Variants in COL4A6 observed in about 807,000 individuals in gnomAD.
COL4A6 encodes the protein collagen type IV alpha 6 chain.
Under a neutral mutation model 126.7 loss-of-function variants are expected in COL4A6, and 59 were observed. The observed-to-expected ratio is 0.47, with a 90% CI of 0.38 to 0.58. The LOEUF (loss-of-function observed/expected upper bound fraction) is 0.58, where lower values mean the gene tolerates loss of function less well. Among genes scored for constraint, COL4A6 ranks in the 20% least tolerant of loss-of-function variants. The pLI, the probability that COL4A6 is intolerant of heterozygous loss-of-function variation, is 0.00. For missense variants in COL4A6, 1,285 were observed against 1,337.3 expected, an observed-to-expected ratio of 0.96 and a Z score of 0.61; for synonymous variants, 547 against 496.6, an observed-to-expected ratio of 1.10 and a Z score of -1.35.
Position 108,419,774 on chromosome X carries a change from T to C in COL4A6, c.63+18168A>G, listed in dbSNP as rs372870917. Among the ~76,000 whole-genome samples the C allele has an allele frequency of 7.2e-5, 8 of 111,481 alleles. No individual in the cohort carries two copies. The East Asian group carries it at 2.0e-3, about 27-fold the overall frequency. Reference sequence around the variant, plus strand: ...AAATAGCACAAGATGGCAGGAAAAGTCAAAAATAGATAATTTTATTGAAAC... The same window carrying C: ...AAATAGCACAAGATGGCAGGAAAAGCCAAAAATAGATAATTTTATTGAAAC... On this transcript the variant is annotated intron_variant, in intron 2 of 44. Transcript: ENST00000334504.
intron 2 of COL4A6, among the ~76,000 whole-genome samples, chrX:108,396,381 A>G (rs1186460167): frequency 8.9e-6 from 1 of 111,845 alleles, no homozygotes; most frequent in East Asian, 2.8e-4. Flanking sequence ...GGAATGAAGA[A>G]GGTGAACGAA....
intron 2 of COL4A6, among the ~76,000 whole-genome samples, chrX:108,429,639 G>A (rs1441222741): frequency 9.0e-6 from 1 of 111,642 alleles, no homozygotes; most frequent in Non-Finnish European, 1.9e-5. Context: ...TTTTACAACT[G>A]CATGTGAATC....
chrX:108,312,301 C>G (rs1460452933), intron 2 of COL4A6, among the ~76,000 whole-genome samples: 1 of 112,182 alleles, frequency 8.9e-6, no homozygotes, highest in East Asian at 2.8e-4. Context: ...TTTATCATCA[C>G]AACACCTTGG....
intron 36 of COL4A6, 141 bp downstream of exon 36, chrX:108,169,804 G>A (rs939115081): frequency 5.2e-5 from 43 of 826,759 alleles, no homozygotes; most frequent in Non-Finnish European, 7.0e-5. Flanking sequence ...TCCATATCAA[G>A]GGACCTCAAA....
intron 3 of COL4A6, among the ~76,000 whole-genome samples, chrX:108,246,808 C>T (rs1168444877): frequency 9.0e-6 from 1 of 110,860 alleles, no homozygotes; most frequent in East Asian, 2.9e-4. Flanking sequence ...GGTATCTGAA[C>T]TCCTTTGGCT....
intron 3 of COL4A6, among the ~76,000 whole-genome samples, chrX:108,223,614 G>A (rs1046741305): frequency 4.5e-5 from 5 of 111,517 alleles, no homozygotes; most frequent in African/African-American, 1.6e-4. Flanking sequence ...GGAAAGCACC[G>A]CAGAAAAGTC....
chrX:108,432,692 C>T (rs1260468061), intron 2 of COL4A6, among the ~76,000 whole-genome samples: 7 of 110,602 alleles, frequency 6.3e-5, no homozygotes, highest in Non-Finnish European at 1.3e-4. Flanking sequence ...AAAAATTAGC[C>T]GGGTGTGATG....
intron 3 of COL4A6, among the ~76,000 whole-genome samples, chrX:108,227,488 A>G (rs1434293313): frequency 2.7e-5 from 3 of 110,162 alleles, no homozygotes; most frequent in Admixed American, 9.7e-5. Flanking sequence ...TGAGATATCA[A>G]TCAACACATG....
chrX:108,221,645 T>C (rs1017422830), intron 3 of COL4A6, among the ~76,000 whole-genome samples: 3 of 112,806 alleles, frequency 2.7e-5, no homozygotes, highest in Non-Finnish European at 3.8e-5. Context: ...AAATCAGTTA[T>C]TCAGGATGGA....
intron 3 of COL4A6, among the ~76,000 whole-genome samples, chrX:108,296,671 A>G (rs1043896137): frequency 2.7e-5 from 3 of 111,989 alleles, no homozygotes; most frequent in African/African-American, 9.7e-5. Context: ...AATAACATCA[A>G]TGCTAACAGT....
At chrX:108,433,334 C>G (rs765150483) in intron 2 of COL4A6, among the ~76,000 whole-genome samples, 1 of 110,663 alleles carries the variant, frequency 9.0e-6, no homozygotes, top group Admixed American at 9.5e-5. Flanking sequence ...GACTTTAAAC[C>G]AAGTAAAAGC....
chrX:108,407,203 C>G (rs1246462113), intron 2 of COL4A6, among the ~76,000 whole-genome samples: 1 of 111,957 alleles, frequency 8.9e-6, no homozygotes, highest in African/African-American at 3.2e-5. Context: ...CAGAAACTGT[C>G]AAGTCTAAAA....
intron 2 of COL4A6, among the ~76,000 whole-genome samples, chrX:108,402,563 G>A (rs2041111514): frequency 9.1e-6 from 1 of 110,344 alleles, no homozygotes; most frequent in Admixed American, 9.7e-5. Context: ...TTCTGAAGTT[G>A]AATATCTATA....
At position 108,172,501 on chromosome X, in the gene COL4A6, A is replaced by C. The variant is rs2034342989; in HGVS notation, c.3170T>G (p.Leu1057Arg). ...GCCTGGGAGACCAGATGCTCCTGGG[A>C]GTCCAGGCGACCCTCTGATACCTTG... ...GSQGIRGSPG[L>R]PGASGLPGLK... Residue 1057 changes from leucine (L) to arginine (R), a missense_variant, in exon 32 of 45, where the codon CTC becomes CGC. Coordinates refer to ENST00000334504, the MANE Select transcript of COL4A6 (RefSeq NM_033641.4). The C allele has an allele frequency of 8.3e-7, 1 of 1,202,706 alleles. No individual in the cohort carries two copies. Among genetic ancestry groups the C allele is most frequent in the Non-Finnish European group, 1.1e-6 (1 of 891,711 alleles).
intron 3 of COL4A6, among the ~76,000 whole-genome samples, chrX:108,282,762 G>T (rs1425134220): frequency 9.2e-6 from 1 of 108,450 alleles, no homozygotes; most frequent in Non-Finnish European, 1.9e-5. Flanking sequence ...GTCCAACAAT[G>T]ATAGACTGGA....
intron 2 of COL4A6, among the ~76,000 whole-genome samples, chrX:108,425,211 GAGAGACAGAGAGAC>G (rs2064054336): frequency 9.4e-6 from 1 of 106,699 alleles, no homozygotes; most frequent in African/African-American, 3.4e-5. Context: ...GTGAGAGAGA[GAGAGACAGAGAGAC>G]AGAGAGACAG....
At chrX:108,354,252 G>A (rs1208479930) in intron 2 of COL4A6, among the ~76,000 whole-genome samples, 1 of 111,736 alleles carries the variant, frequency 8.9e-6, no homozygotes, top group Non-Finnish European at 1.9e-5. Flanking sequence ...AGATGAGACA[G>A]GTTAAGGTGC....
intron 2 of COL4A6, among the ~76,000 whole-genome samples, chrX:108,345,199 A>G (rs950417022): frequency 2.7e-5 from 3 of 111,713 alleles, no homozygotes; most frequent in Non-Finnish European, 5.6e-5. Context: ...TCCCTCCTCA[A>G]TCTTTCCCAT....
rs538510072 is a variant in COL4A6 at position 108,340,548 on chromosome X, A to G, written c.64-29720T>C. On this transcript the variant is annotated intron_variant, in intron 2 of 44. Transcript: ENST00000334504. ...TTCAGGAAGAAATGAAAAGATCACCAAATTATGATTATAGGCATATAATGA... is the reference window on the plus strand; with the variant it reads ...TTCAGGAAGAAATGAAAAGATCACCGAATTATGATTATAGGCATATAATGA... Among the ~76,000 whole-genome samples the G allele has an allele frequency of 1.5e-4, 17 of 110,999 alleles. No individual in the cohort carries two copies. The South Asian group carries it at 6.4e-3, about 42-fold the overall frequency.
Sources: gnomAD v4.1 joint callset for allele counts (sites outside exome capture counted in the v4.1 genomes callset) on GRCh38, gnomAD v4.1.1 for gene constraint, MANE v1.5 for transcripts, NCBI Gene and HGNC (gene_info 2026-07-23, HGNC 2026-07-21) for gene names.